The following PARP12 variants were observed in gnomAD, a reference collection of about 807,000 sequenced individuals.
PARP12 encodes the protein poly(ADP-ribose) polymerase family member 12.
A neutral mutation model predicts 72.4 loss-of-function variants in PARP12; 59 were observed. That is an observed-to-expected ratio of 0.81 (90% CI 0.66 to 1.01). The LOEUF is 1.01. Among genes scored for constraint, PARP12 ranks in the 50% least tolerant of loss-of-function variants. The pLI is 0.00. For missense variants in PARP12, 851 were observed against 914.0 expected (o/e 0.93, Z 0.89); for synonymous variants, 403 against 371.4 (o/e 1.09, Z -0.98).
chr7:140,026,031 G>C (rs1196160570), intron 11 of PARP12, among the ~76,000 whole-genome samples, 166 bp downstream of exon 11: 1 of 152,228 alleles, frequency 6.6e-6, no homozygotes, highest in Non-Finnish European at 1.5e-5. Context: ...ATGCCCAGAG[G>C]AGCAAGAGCA....
chr7:140,061,195 T>C (rs1441138821), intron 1 of PARP12, among the ~76,000 whole-genome samples: 1 of 152,242 alleles, frequency 6.6e-6, no homozygotes, highest in Non-Finnish European at 1.5e-5. Flanking sequence ...AGACAGCTTC[T>C]GGTCAATGGG....
At chr7:140,046,778 C>G (rs1487213393) in intron 5 of PARP12, 106 bp downstream of exon 5, 4 of 1,312,972 alleles carry the variant, frequency 3.0e-6, no homozygotes, top group Non-Finnish European at 4.2e-6. Context: ...AGCCCAGGCA[C>G]CTCCAGACTA....
At chr7:140,049,981 C>T (rs896933055) in intron 4 of PARP12, among the ~76,000 whole-genome samples, 1 of 152,098 alleles carries the variant, frequency 6.6e-6, no homozygotes, top group African/African-American at 2.4e-5. Flanking sequence ...GCAGACAAAA[C>T]ACCACATCCA....
At position 140,024,281 on chromosome 7, in the gene PARP12, A is replaced by T. The variant is rs545305443; in HGVS notation, c.*279T>A. The stretch of plus-strand genomic sequence containing the variant: ...AGAAACTCTGTCCCTGGTGCCAATA[A>T]GCAGCAAAGTCAACAAAGAGTAAAA... On this transcript the variant is annotated 3_prime_UTR_variant, in exon 12 of 12. Coordinates refer to ENST00000263549, the MANE Select transcript of PARP12 (RefSeq NM_022750.4). 2.3e-6 allele frequency: 1 copy of T among 435,328 alleles called. No individual in the cohort carries two copies. The highest frequency in any genetic ancestry group is 2.0e-5 in the African/African-American group (1 of 50,108). 27.0% of individuals were successfully genotyped at this position (435,328 alleles called of 1,614,324 possible). A position where few individuals can be genotyped will look rare whatever the true frequency, so the allele number is the denominator to read the frequency against.
chr7:140,046,221 A>C lies in PARP12; in HGVS notation c.986+663T>G, dbSNP rs181344791. Among the ~76,000 whole-genome samples, 21 of 152,378 alleles carry C rather than the reference A, an allele frequency of 1.4e-4. No individual in the cohort carries two copies. In the East Asian group the frequency reaches 4.0e-3, roughly 29 times the overall value. ...TGGTTTCACATACTTTACCAATAGCAATTTGCACGTAATTGTACTCTAAGT... is the reference window on the plus strand; with the variant it reads ...TGGTTTCACATACTTTACCAATAGCCATTTGCACGTAATTGTACTCTAAGT... On this transcript the variant is annotated intron_variant, in intron 5 of 11. Coordinates refer to ENST00000263549, the MANE Select transcript of PARP12 (RefSeq NM_022750.4).
chr7:140,032,184 T>G (rs954394608), intron 8 of PARP12, among the ~76,000 whole-genome samples: 7 of 152,118 alleles, frequency 4.6e-5, no homozygotes, highest in Non-Finnish European at 1.0e-4. Flanking sequence ...CTGACCCATC[T>G]TTACCCCTGA....
At chr7:140,033,566 C>A in intron 8 of PARP12, 1 of 985,408 alleles carries the variant, frequency 1.0e-6, no homozygotes, top group Non-Finnish European at 1.2e-6. Context: ...AGAACACTGA[C>A]CCCTTCCTCT....
chr7:140,035,913 AC>A (rs1210953381), intron 7 of PARP12, among the ~76,000 whole-genome samples: 3,105 of 99,254 alleles, frequency 0.031, 550 homozygotes, highest in African/African-American at 0.061. Context: ...GAGGAGGAGG[AC>A]AAGGAGGAGG....
intron 3 of PARP12, 30 bp from the exon 4 acceptor site, chr7:140,054,793 G>A: frequency 6.5e-7 from 1 of 1,541,422 alleles, no homozygotes; most frequent in South Asian, 1.1e-5. Context: ...AGATATGTCA[G>A]CTTCTGATAT....
chr7:140,037,705 C>G lies in PARP12; in HGVS notation c.1324+10G>C, dbSNP rs907870854. On this transcript the variant is annotated intron_variant, in intron 7 of 11. Transcript: ENST00000263549. ...CAGGCTCTGCTGGGCGAGGGCAGGG[C>G]ACAGGATACCTTTGAAATCTAACTC... 2 of 1,613,734 alleles carry G rather than the reference C, an allele frequency of 1.2e-6. No individual in the cohort carries two copies. Among genetic ancestry groups the G allele is most frequent in the African/African-American group, 1.3e-5 (1 of 75,062 alleles).
intron 8 of PARP12, chr7:140,033,064 C>T: frequency 2.1e-6 from 1 of 476,948 alleles, no homozygotes. Context: ...GTGTCTCTCC[C>T]ACCTCAGTCT....
intron 8 of PARP12, among the ~76,000 whole-genome samples, chr7:140,031,694 A>G (rs1406156784): frequency 6.6e-6 from 1 of 152,220 alleles, no homozygotes; most frequent in East Asian, 1.9e-4. Context: ...TTTAGTTTGG[A>G]CATTTGGCAT....
intron 10 of PARP12, among the ~76,000 whole-genome samples, chr7:140,027,023 T>C (rs1815763790): frequency 6.6e-6 from 1 of 152,204 alleles, no homozygotes; most frequent in Non-Finnish European, 1.5e-5. Context: ...GTGAGAGTGC[T>C]AGCTTTGCCA....
chr7:140,038,159 CCATT>C, intron 6 of PARP12: 1 of 985,426 alleles, frequency 1.0e-6, no homozygotes, highest in South Asian at 4.7e-5. Flanking sequence ...GACACGGCAG[CCATT>C]CAAATGCCGG....
intron 9 of PARP12, chr7:140,027,670 T>C (rs984471644): frequency 6.6e-6 from 2 of 302,174 alleles, no homozygotes; most frequent in African/African-American, 2.1e-5. Flanking sequence ...TTGGTTTCGT[T>C]AGACAGTATG....
chr7:140,029,375 C>T (rs1379498305), intron 8 of PARP12, among the ~76,000 whole-genome samples: 2 of 152,194 alleles, frequency 1.3e-5, no homozygotes, highest in Non-Finnish European at 2.9e-5. Context: ...GACTGTGAAA[C>T]TATAATTACA....
chr7:140,059,370 AC>A (rs1817345858), intron 1 of PARP12, among the ~76,000 whole-genome samples: 1 of 126,288 alleles, frequency 7.9e-6, no homozygotes, highest in Non-Finnish European at 1.8e-5. Flanking sequence ...ATACACACAC[AC>A]ACACACACAC....
rs1569526146 is a variant in PARP12, at chr7:140,024,391, G to GACTT, written c.*165_*168dup. On this transcript the variant is annotated 3_prime_UTR_variant, in exon 12 of 12. Transcript: ENST00000263549. ...TTAATCCACTAGTGAACCCAAAAGT[G>GACTT]ACTTAAAAGTAAAAATCATTATTAG... 1.2e-6 allele frequency: 1 copy of GACTT among 826,238 alleles called. No homozygotes were observed. The highest frequency in any genetic ancestry group is 1.9e-6 in the Non-Finnish European group (1 of 513,714). 51.2% of individuals were successfully genotyped at this position (826,238 alleles called of 1,614,324 possible).
intron 6 of PARP12, 57 bp downstream of exon 6, chr7:140,041,587 G>T: frequency 6.6e-7 from 1 of 1,517,680 alleles, no homozygotes; most frequent in Non-Finnish European, 9.0e-7. Context: ...CTCTTATTTG[G>T]CTCCTCTCTT....
Sources: gnomAD v4.1 joint callset for allele counts (sites outside exome capture counted in the v4.1 genomes callset) on GRCh38, gnomAD v4.1.1 for gene constraint, MANE v1.5 for transcripts, NCBI Gene and HGNC (gene_info 2026-07-23, HGNC 2026-07-21) for gene names.